The following SAP130 variants were observed in gnomAD, a reference collection of about 807,000 sequenced individuals.
The protein encoded by SAP130 is Sin3A associated protein 130, also known as histone deacetylase complex subunit SAP130.
In SAP130, 16 loss-of-function variants were observed where a neutral mutation model predicts 103.2. The observed-to-expected ratio is 0.16, with a 90% CI of 0.10 to 0.24. The LOEUF is 0.24. Ranked by LOEUF, SAP130 falls within the 10% of genes least tolerant of loss-of-function variation. The pLI is 1.00. For missense variants in SAP130, 990 were observed against 1,359.7 expected (o/e 0.73, Z 4.28); for synonymous variants, 477 against 497.0 (o/e 0.96, Z 0.53).
intron 16 of SAP130, among the ~76,000 whole-genome samples, chr2:127,954,732 T>C (rs1476017228): frequency 6.6e-6 from 1 of 152,192 alleles, no homozygotes; most frequent in Non-Finnish European, 1.5e-5. Flanking sequence ...AGGATATCCA[T>C]GGGGAAATAT....
chr2:128,013,256 G>A, intron 5 of SAP130, 102 bp from the exon 6 acceptor site: 1 of 1,128,736 alleles, frequency 8.9e-7, no homozygotes, highest in Non-Finnish European at 1.2e-6. Context: ...ATATCGAGCT[G>A]AAGTATGGTA....
At chr2:127,991,181 T>C (rs995492029) in intron 12 of SAP130, among the ~76,000 whole-genome samples, 1 of 151,642 alleles carries the variant, frequency 6.6e-6, no homozygotes, top group Non-Finnish European at 1.5e-5. Context: ...AGCTGGGAGG[T>C]GGAGGTTGCA....
chr2:128,027,804 C>T, intron 1 of SAP130, 136 bp downstream of exon 1: 3 of 531,768 alleles, frequency 5.6e-6, no homozygotes, highest in Non-Finnish European at 4.8e-6. Context: ...GAAAGAGCCG[C>T]GGTCCGAGCC....
chr2:127,985,955 G>A (rs566477438), intron 14 of SAP130, among the ~76,000 whole-genome samples: 7 of 152,252 alleles, frequency 4.6e-5, no homozygotes, highest in African/African-American at 1.2e-4. Flanking sequence ...GCAGGCCCCC[G>A]ACCAGCAGAA....
At chr2:127,945,377 A>C in intron 19 of SAP130, 79 bp downstream of exon 19, 1 of 862,928 alleles carries the variant, frequency 1.2e-6, no homozygotes, top group South Asian at 1.4e-5. Context: ...GTTACTTTTA[A>C]AAAGTTCTAT....
chr2:127,990,938 C>CCAA (rs1553510868), intron 12 of SAP130, among the ~76,000 whole-genome samples: 4 of 119,486 alleles, frequency 3.3e-5, no homozygotes, highest in African/African-American at 3.4e-5. Context: ...AAGACTGTCT[C>CCAA]AAAAAAAAAA....
In SAP130 at chr2:127,949,706, A is replaced by T. The variant is rs554103985; in HGVS notation, c.2797+163T>A. The stretch of plus-strand genomic sequence containing the variant: ...GGCAAAGGGTAATTTTCTAGGTTTT[A>T]TATTCTACAGGATATACTTAAACAC... On this transcript the variant is annotated intron_variant, in intron 18 of 20. Transcript: ENST00000643581. 5.3e-5 allele frequency among the ~76,000 whole-genome samples: 8 copies of T among 152,350 alleles called. No homozygotes were observed. The South Asian group carries it at 1.0e-3, about 20-fold the overall frequency.
At chr2:127,982,984 T>A (rs1339338277) in intron 14 of SAP130, among the ~76,000 whole-genome samples, 1 of 152,150 alleles carries the variant, frequency 6.6e-6, no homozygotes, top group Non-Finnish European at 1.5e-5. Flanking sequence ...ACTGAGCTTA[T>A]GTGCTAAGTG....
chr2:128,015,029 A>T (rs1434008393), intron 4 of SAP130, 115 bp from the exon 5 acceptor site: 2 of 726,916 alleles, frequency 2.8e-6, no homozygotes, highest in South Asian at 3.4e-5. Flanking sequence ...TGAGTATCCC[A>T]AGAGAAAGGG....
At chr2:127,984,842 G>A (rs1248303651) in intron 14 of SAP130, among the ~76,000 whole-genome samples, 1 of 152,208 alleles carries the variant, frequency 6.6e-6, no homozygotes, top group Non-Finnish European at 1.5e-5. Context: ...TCGGGAAGGG[G>A]CAGTACACCA....
chr2:127,963,231 T>C (rs568364000), intron 15 of SAP130, among the ~76,000 whole-genome samples: 7 of 152,212 alleles, frequency 4.6e-5, no homozygotes, highest in Non-Finnish European at 1.0e-4. Context: ...TGAGTCAAAT[T>C]TCTCTCTCTC....
chr2:128,010,442 G>A, intron 6 of SAP130, 49 bp from the exon 7 acceptor site: 1 of 1,562,088 alleles, frequency 6.4e-7, no homozygotes, highest in South Asian at 1.2e-5. Flanking sequence ...TAAAATAGAG[G>A]AAGTCAAATA....
intron 2 of SAP130, among the ~76,000 whole-genome samples, chr2:128,025,518 AG>A (rs538789572): frequency 1.3e-5 from 2 of 152,254 alleles, no homozygotes; most frequent in South Asian, 2.1e-4. Context: ...TTAAATATTC[AG>A]GGGGGGAAAA....
chr2:127,956,116 A>C (rs1679822078), intron 15 of SAP130, among the ~76,000 whole-genome samples: 1 of 152,134 alleles, frequency 6.6e-6, no homozygotes, highest in African/African-American at 2.4e-5. Flanking sequence ...GCCAATGCCT[A>C]ATCAACCATT....
In SAP130 at chr2:128,000,409, A is replaced by G; in HGVS notation, c.915T>C (p.Ser305=). The change falls in exon 8 of 21, where the codon AGT becomes AGC. Residue 305 remains serine, a synonymous_variant. Transcript: ENST00000643581. ...SIQHPPSAAI[S]IQRPAQSRDV... is the part of the protein sequence containing the mutation. ...CTCGTGACTGGGCAGGACGCTGAAT[A>G]CTGATTGCTGCAGATGGAGGATGCT... is the stretch of plus-strand genomic sequence containing the variant. 6.2e-7 allele frequency: 1 copy of G among 1,614,188 alleles called. No homozygotes were observed. The highest frequency in any genetic ancestry group is 8.5e-7 in the Non-Finnish European group (1 of 1,180,042).
rs540744399 is a variant in SAP130 at position 127,998,391 on chromosome 2, T to A, written c.1213+1350A>T. Among the ~76,000 whole-genome samples the A allele has an allele frequency of 4.6e-5, 7 of 152,296 alleles. No individual in the cohort carries two copies. The Middle Eastern group carries it at 0.014, about 298-fold the overall frequency. ...TTTTTCTGAGCCAACATATTCCTAA[T>A]AAGAATAGCTGAATTCGATTTAATA... is the stretch of plus-strand genomic sequence containing the variant. On this transcript the variant is annotated intron_variant, in intron 10 of 20. Coordinates refer to ENST00000643581, the MANE Select transcript of SAP130 (RefSeq NM_001330301.2).
intron 15 of SAP130, among the ~76,000 whole-genome samples, chr2:127,974,275 G>C (rs1489995682): frequency 6.6e-6 from 1 of 152,078 alleles, no homozygotes; most frequent in Non-Finnish European, 1.5e-5. Flanking sequence ...AAAATCCAAA[G>C]GCTTCTGAAT....
intron 15 of SAP130, among the ~76,000 whole-genome samples, chr2:127,965,970 C>G (rs963289769): frequency 2.6e-5 from 4 of 152,190 alleles, no homozygotes; most frequent in African/African-American, 9.6e-5. Flanking sequence ...CTTTGAAACT[C>G]TCCTCATACT....
chr2:128,024,237 G>T (rs980836033), intron 2 of SAP130, among the ~76,000 whole-genome samples: 6 of 152,096 alleles, frequency 3.9e-5, no homozygotes, highest in Non-Finnish European at 8.8e-5. Flanking sequence ...CCAGAATTTT[G>T]GGAGGCCTAG....
Sources: gnomAD v4.1 joint callset for allele counts (sites outside exome capture counted in the v4.1 genomes callset) on GRCh38, gnomAD v4.1.1 for gene constraint, MANE v1.5 for transcripts, NCBI Gene and HGNC (gene_info 2026-07-23, HGNC 2026-07-21) for gene names.